PCDHGB3: variants seen among roughly 807,000 people sequenced by gnomAD.
The protein encoded by PCDHGB3 is protocadherin gamma subfamily B, 3.
PCDHGB3 carries 40 observed loss-of-function variants against 59.2 expected under a neutral mutation model. The observed-to-expected ratio is 0.68, with a 90% CI of 0.52 to 0.88. The LOEUF (loss-of-function observed/expected upper bound fraction) is 0.88. Ranked by LOEUF, PCDHGB3 falls within the 40% of genes least tolerant of loss-of-function variation. PCDHGB3 has a pLI of 0.00. For missense variants in PCDHGB3, 1,309 were observed against 1,187.9 expected (o/e 1.10, Z -1.50); for synonymous variants, 581 against 503.6 (o/e 1.15, Z -2.06).
Position 141,432,082 on chromosome 5 carries a change from C to G in PCDHGB3, c.2415+59273C>G. The G allele has an allele frequency of 1.2e-6, 2 of 1,614,184 alleles. No individual in the cohort carries two copies. The highest frequency in any genetic ancestry group is 1.7e-6 in the Non-Finnish European group (2 of 1,180,028). On this transcript the variant is annotated intron_variant, in intron 1 of 3. Coordinates refer to ENST00000576222, the MANE Select transcript of PCDHGB3 (RefSeq NM_018924.5). This position sits in a 1 kb window ranked among gnomAD's most constrained non-coding sequence, Gnocchi z 6.0. Reference sequence around the variant, plus strand: ...CCACGGAAACTCATATCTCGCTGAACGTGGCAGACACCAACGACAACCCGC... The same window carrying G: ...CCACGGAAACTCATATCTCGCTGAAGGTGGCAGACACCAACGACAACCCGC...
In PCDHGB3 at chr5:141,511,269, C is replaced by A; in HGVS notation, c.*96C>A. The A allele has an allele frequency of 1.3e-6, 2 of 1,546,672 alleles. No homozygotes were observed. Among genetic ancestry groups the A allele is most frequent in the Non-Finnish European group, 1.7e-6 (2 of 1,145,264 alleles). The stretch of plus-strand genomic sequence containing the variant: ...AGGCCTCAGAGTTTCAGGGCTAACC[C>A]CCAGAATACTGGTAGGGGCCAAGGC... On this transcript the variant is annotated 3_prime_UTR_variant, in exon 4 of 4. Transcript: ENST00000576222.
chr5:141,400,611 G>T (rs555600694), intron 1 of PCDHGB3: 1 of 1,573,002 alleles, frequency 6.4e-7, no homozygotes, highest in South Asian at 1.1e-5. Context: ...CAAGTCCAAT[G>T]AGTTGTCTTA....
At chr5:141,410,445 T>A in intron 1 of PCDHGB3, 1 of 1,614,060 alleles carries the variant, frequency 6.2e-7, no homozygotes. Flanking sequence ...GAGGGGACTT[T>A]GCCTTATTCT....
chr5:141,388,640 A>G (rs373553997), intron 1 of PCDHGB3: 3 of 1,613,844 alleles, frequency 1.9e-6, no homozygotes, highest in African/African-American at 2.7e-5. Context: ...TGAGCCTTTC[A>G]GAAAACGTGT....
intron 1 of PCDHGB3, among the ~76,000 whole-genome samples, chr5:141,483,913 C>G (rs988014158): frequency 6.7e-6 from 1 of 148,188 alleles, no homozygotes; most frequent in African/African-American, 2.5e-5. Context: ...GTTTCCCACT[C>G]AGATTGCAGG....
intron 1 of PCDHGB3, chr5:141,390,461 C>T: frequency 2.7e-6 from 2 of 738,224 alleles, no homozygotes; most frequent in Non-Finnish European, 4.3e-6. Context: ...AAAGTAGGAG[C>T]AATTGTGTGG....
chr5:141,426,704 A>C, intron 1 of PCDHGB3: 1 of 440,322 alleles, frequency 2.3e-6, no homozygotes, highest in South Asian at 1.6e-5. Context: ...TTGTTTTACA[A>C]ATCAATGAAC....
chr5:141,419,426 G>A (rs753089031), intron 1 of PCDHGB3: 19 of 1,613,194 alleles, frequency 1.2e-5, no homozygotes, highest in Non-Finnish European at 1.5e-5. Context: ...CTTCGACCAC[G>A]AGCAGCTGCG....
chr5:141,485,920 T>G lies in PCDHGB3; in HGVS notation c.2416-8887T>G. 4 of 1,614,038 alleles carry G rather than the reference T, an allele frequency of 2.5e-6. No individual in the cohort carries two copies. Among genetic ancestry groups the G allele is most frequent in the Non-Finnish European group, 3.4e-6 (4 of 1,180,010 alleles). ...CCTTCCAGCAATCCAGCTACAGGAT[T>G]AGTGTGTTGGAGAGCGCACCAGCGG... On this transcript the variant is annotated intron_variant, in intron 1 of 3. Transcript: ENST00000576222. The surrounding 1 kb of genome is among the most constrained non-coding windows in gnomAD (Gnocchi z 5.7).
At chr5:141,395,251 T>G (rs2093205315) in intron 1 of PCDHGB3, 2 of 1,557,062 alleles carry the variant, frequency 1.3e-6, no homozygotes, top group Non-Finnish European at 1.7e-6. Context: ...AGTTTAGTTC[T>G]TTGCTTGCTT....
rs1467125550 is a variant in PCDHGB3 at position 141,511,799 on chromosome 5, T to G, written c.*626T>G. 6.4e-6 allele frequency: 1 copy of G among 157,228 alleles called. No homozygotes were observed. The highest frequency in any genetic ancestry group is 1.4e-5 in the Non-Finnish European group (1 of 70,874). 9.7% of individuals were successfully genotyped at this position (157,228 alleles called of 1,614,324 possible). ...TGCTTGCTGGATTTAGGGAGGGCAT[T>G]TTGCTACCAAGCCTCTTCCCAACGC... On this transcript the variant is annotated 3_prime_UTR_variant, in exon 4 of 4. Coordinates refer to ENST00000576222, the MANE Select transcript of PCDHGB3 (RefSeq NM_018924.5).
At chr5:141,414,009 T>C in intron 1 of PCDHGB3, 1 of 1,612,964 alleles carries the variant, frequency 6.2e-7, no homozygotes, top group Middle Eastern at 1.7e-4. Context: ...AAGGTGCCAA[T>C]GGAGAAGTGA....
At chr5:141,415,014 C>G (rs747951360) in intron 1 of PCDHGB3, 1 of 1,613,502 alleles carries the variant, frequency 6.2e-7, no homozygotes, top group African/African-American at 1.3e-5. Flanking sequence ...ACCGTCTGCT[C>G]AAGGCCAGCG....
In PCDHGB3 at chr5:141,477,650, A is replaced by G. The variant is rs199931735; in HGVS notation, c.2416-17157A>G. ...CGGGCTAGTGGGTCGCTATTTCACA[A>G]TAAATCGTGACAATGGCATAGTGTC... On this transcript the variant is annotated intron_variant, in intron 1 of 3. Transcript: ENST00000576222. This position sits in a 1 kb window ranked among gnomAD's most constrained non-coding sequence, Gnocchi z 4.9. The G allele has an allele frequency of 6.2e-6, 10 of 1,614,212 alleles. No individual in the cohort carries two copies. The highest frequency in any genetic ancestry group is 2.2e-5 in the East Asian group (1 of 44,888).
At chr5:141,450,587 A>G (rs1396203849) in intron 1 of PCDHGB3, among the ~76,000 whole-genome samples, 1 of 151,720 alleles carries the variant, frequency 6.6e-6, no homozygotes, top group East Asian at 1.9e-4. Flanking sequence ...CCCAGGTTCA[A>G]GCAATTCTCC....
At chr5:141,430,808 G>A in intron 1 of PCDHGB3, 1 of 1,526,682 alleles carries the variant, frequency 6.6e-7, no homozygotes, top group East Asian at 2.3e-5. Flanking sequence ...TGTCCTGCTG[G>A]GAATCCTCCT....
At chr5:141,378,751 G>T (rs72790019) in intron 1 of PCDHGB3, 22 of 152,014 alleles carry the variant, frequency 1.4e-4, no homozygotes, top group Non-Finnish European at 5.9e-5. Flanking sequence ...AAGAAAAAAG[G>T]GATTATCATT....
At chr5:141,453,240 A>G (rs1470706774) in intron 1 of PCDHGB3, among the ~76,000 whole-genome samples, 1 of 152,020 alleles carries the variant, frequency 6.6e-6, no homozygotes, top group African/African-American at 2.4e-5. Context: ...CAGCCTCCCA[A>G]ATAGCTGGGG....
chr5:141,400,656 A>G (rs72790034), intron 1 of PCDHGB3: 33,230 of 1,084,006 alleles, frequency 0.031, 658 homozygotes, highest in East Asian at 0.041. Context: ...CTGTCCTACC[A>G]TTCTTTAAGA....
Sources: gnomAD v4.1 joint callset for allele counts (sites outside exome capture counted in the v4.1 genomes callset) on GRCh38, gnomAD v4.1.1 for gene constraint, Gnocchi (gnomAD v3.1) non-coding constraint, MANE v1.5 for transcripts, NCBI Gene and HGNC (gene_info 2026-07-23, HGNC 2026-07-21) for gene names.